EGLN1: variants seen among roughly 807,000 people sequenced by gnomAD.
EGLN1 encodes the protein egl nine homolog 1.
A neutral mutation model predicts 38.3 loss-of-function variants in EGLN1; 17 were observed. That is an observed-to-expected ratio of 0.44 (90% CI 0.30 to 0.67). The LOEUF is 0.67. EGLN1 is among the 30% of genes least tolerant of loss of function. The pLI, the probability that EGLN1 is intolerant of heterozygous loss-of-function variation, is 0.08. For missense variants in EGLN1, 477 were observed against 603.3 expected (o/e 0.79, Z 2.19); for synonymous variants, 283 against 257.5 (o/e 1.10, Z -0.95).
rs145322451 is a variant in EGLN1 at position 231,390,334 on chromosome 1, T to C, written c.892-16235A>G. 4.6e-5 allele frequency among the ~76,000 whole-genome samples: 7 copies of C among 152,198 alleles called. No individual in the cohort carries two copies. The East Asian group carries it at 1.2e-3, about 25-fold the overall frequency. On this transcript the variant is annotated intron_variant, in intron 1 of 4. Coordinates refer to ENST00000366641, the MANE Select transcript of EGLN1 (RefSeq NM_022051.3). ...AATCAAATAAGACAATACAGGAAAA[T>C]GTTCCATAAGTCTTAATTCCTTCCT...
chr1:231,421,743 T>C lies in EGLN1; in HGVS notation c.146A>G (p.Gln49Arg), dbSNP rs755147883. ...SFYCCKEHQR[Q>R]DWKKHKLVCQ... is the part of the protein sequence containing the mutation. ...CACGAGCTTGTGCTTCTTCCAGTCC[T>C]GACGCTGGTGCTCCTTGCAGCAGTA... is the stretch of plus-strand genomic sequence containing the variant. Residue 49 changes from glutamine (Q) to arginine (R), a missense_variant, in exon 1 of 5, where the codon CAG becomes CGG. By Grantham distance (43) the Gln-to-Arg change is conservative (BLOSUM62 1). This residue lies in a region of EGLN1 where 298 missense variants were observed against 288.9 expected (regional missense o/e 1.03). Coordinates refer to ENST00000366641, the MANE Select transcript of EGLN1 (RefSeq NM_022051.3). The surrounding 1 kb of genome is among the most constrained non-coding windows in gnomAD (Gnocchi z 5.5). 4 of 1,545,848 alleles carry C rather than the reference T, an allele frequency of 2.6e-6. No homozygotes were observed. The highest frequency in any genetic ancestry group is 1.2e-5 in the South Asian group (1 of 84,710).
At chr1:231,384,229 T>C (rs528674036) in intron 1 of EGLN1, among the ~76,000 whole-genome samples, 6 of 152,264 alleles carry the variant, frequency 3.9e-5, no homozygotes, top group African/African-American at 7.2e-5. Context: ...ACAAATATTT[T>C]CTGAGCACCT....
In EGLN1 at chr1:231,382,391, A is replaced by C. The variant is rs188726060; in HGVS notation, c.892-8292T>G. Among the ~76,000 whole-genome samples the C allele has an allele frequency of 5.1e-4, 78 of 152,358 alleles. 1 individual carries two copies. Among genetic ancestry groups the C allele is most frequent in the Admixed American group, 5.1e-3 (78 of 15,310 alleles). On this transcript the variant is annotated intron_variant, in intron 1 of 4. Transcript: ENST00000366641. ...CCAAGACTGGATATAAATAATCATC[A>C]GTAAATGAGGAAAGCTTGTAATCAA...
At chr1:231,399,787 T>C (rs1688620053) in intron 1 of EGLN1, among the ~76,000 whole-genome samples, 1 of 152,082 alleles carries the variant, frequency 6.6e-6, no homozygotes, top group African/African-American at 2.4e-5. Context: ...GCAACCCCCC[T>C]TTGCATCCTA....
At chr1:231,384,514 T>C (rs1377850928) in intron 1 of EGLN1, among the ~76,000 whole-genome samples, 1 of 151,992 alleles carries the variant, frequency 6.6e-6, no homozygotes, top group Non-Finnish European at 1.5e-5. Context: ...GAAATGAATG[T>C]TCCAGGCAGA....
intron 1 of EGLN1, among the ~76,000 whole-genome samples, chr1:231,375,151 G>C (rs939647896): frequency 1.3e-5 from 2 of 152,158 alleles, no homozygotes; most frequent in African/African-American, 4.8e-5. Flanking sequence ...CACCTTCCAG[G>C]TTCAAGCGAT....
rs989422154 is a variant in EGLN1 at position 231,387,066 on chromosome 1, C to G, written c.892-12967G>C. On this transcript the variant is annotated intron_variant, in intron 1 of 4. Coordinates refer to ENST00000366641, the MANE Select transcript of EGLN1 (RefSeq NM_022051.3). Reference sequence around the variant, plus strand: ...TACAGATGAGGTCTCGCTATGTTGCCCAGGGTGGTCTCAAACTCCTGGCCT... The same window carrying G: ...TACAGATGAGGTCTCGCTATGTTGCGCAGGGTGGTCTCAAACTCCTGGCCT... 2.6e-5 allele frequency among the ~76,000 whole-genome samples: 4 copies of G among 151,544 alleles called. No homozygotes were observed. In the South Asian group the frequency reaches 8.3e-4, roughly 32 times the overall value.
chr1:231,379,402 C>G (rs1426967052), intron 1 of EGLN1, among the ~76,000 whole-genome samples: 1 of 152,172 alleles, frequency 6.6e-6, no homozygotes, highest in African/African-American at 2.4e-5. Flanking sequence ...TATTTGTGGT[C>G]ATAAAACATT....
At position 231,421,098 on chromosome 1, in the gene EGLN1, G is replaced by T; in HGVS notation, c.791C>A (p.Pro264His). 6.2e-7 allele frequency: 1 copy of T among 1,614,194 alleles called. No individual in the cohort carries two copies. Among genetic ancestry groups the T allele is most frequent in the Non-Finnish European group, 8.5e-7 (1 of 1,180,032 alleles). Reference protein sequence around the residue: ...DKITWIEGKEPGCETIGLLMS... With the variant: ...DKITWIEGKEHGCETIGLLMS... ...GAGCAGCCCAATGGTTTCGCAGCCG[G>T]GCTCCTTGCCCTCGATCCAGGTGAT... The change falls in exon 1 of 5, where the codon CCC becomes CAC. Residue 264 changes from proline (P) to histidine (H), a missense_variant. Transcript: ENST00000366641. The surrounding 1 kb of genome is among the most constrained non-coding windows in gnomAD (Gnocchi z 5.5).
At chr1:231,408,795 T>C (rs529102100) in intron 1 of EGLN1, among the ~76,000 whole-genome samples, 2 of 152,102 alleles carry the variant, frequency 1.3e-5, no homozygotes, top group Admixed American at 6.5e-5. Flanking sequence ...CAGGACAAAG[T>C]TGTAGCTCTG....
intron 1 of EGLN1, among the ~76,000 whole-genome samples, chr1:231,386,117 G>T (rs981013984): frequency 6.7e-6 from 1 of 149,528 alleles, no homozygotes; most frequent in Non-Finnish European, 1.5e-5. Flanking sequence ...TGCCCGGCTG[G>T]TTTTTTTTTT....
intron 1 of EGLN1, among the ~76,000 whole-genome samples, chr1:231,391,937 A>C (rs981143011): frequency 2.0e-5 from 3 of 152,244 alleles, no homozygotes; most frequent in Non-Finnish European, 4.4e-5. Flanking sequence ...GTTTAAAAAA[A>C]CAAAAGAGTT....
At chr1:231,392,367 T>C (rs1315266469) in intron 1 of EGLN1, among the ~76,000 whole-genome samples, 3 of 152,164 alleles carry the variant, frequency 2.0e-5, no homozygotes, top group Non-Finnish European at 4.4e-5. Context: ...ATTTTAAAAA[T>C]TTTCCACTAT....
intron 1 of EGLN1, among the ~76,000 whole-genome samples, chr1:231,397,014 C>T (rs1688547166): frequency 6.6e-6 from 1 of 152,184 alleles, no homozygotes; most frequent in Non-Finnish European, 1.5e-5. Context: ...CTATCTCCCT[C>T]CCTCCAGAAT....
chr1:231,376,969 C>CT (rs1687976440), intron 1 of EGLN1, among the ~76,000 whole-genome samples: 1 of 152,172 alleles, frequency 6.6e-6, no homozygotes, highest in Non-Finnish European at 1.5e-5. Context: ...TAACCTAGAG[C>CT]TGCAGGGCTT....
At position 231,421,443 on chromosome 1, in the gene EGLN1, G is replaced by C; in HGVS notation, c.446C>G (p.Pro149Arg). The C allele has an allele frequency of 6.6e-7, 1 of 1,521,768 alleles. No individual in the cohort carries two copies. Among genetic ancestry groups the C allele is most frequent in the Non-Finnish European group, 8.8e-7 (1 of 1,132,540 alleles). 94.3% of individuals were successfully genotyped at this position (1,521,768 alleles called of 1,614,324 possible). ...AAEAEPGKEEPPARSSLFQEK... is the reference protein window; with the variant it reads ...AAEAEPGKEERPARSSLFQEK... ...CTGGAACAGCGATGAGCGGGCCGGC[G>C]GCTCCTCCTTGCCGGGCTCGGCTTC... The change falls in exon 1 of 5, where the codon CCG becomes CGG. Residue 149 changes from proline to arginine, a missense_variant. Physicochemically the swap from Pro to Arg is moderately radical, Grantham distance 103. Transcript: ENST00000366641. This position sits in a 1 kb window ranked among gnomAD's most constrained non-coding sequence, Gnocchi z 5.5.
intron 2 of EGLN1, among the ~76,000 whole-genome samples, chr1:231,373,369 T>TC (rs1328810316): frequency 1.3e-5 from 2 of 152,172 alleles, no homozygotes; most frequent in African/African-American, 4.8e-5. Flanking sequence ...AAACAACTGT[T>TC]CTCAGAAATG....
At chr1:231,414,468 C>A (rs1175405476) in intron 1 of EGLN1, among the ~76,000 whole-genome samples, 2 of 152,248 alleles carry the variant, frequency 1.3e-5, no homozygotes, top group Middle Eastern at 3.4e-3. Flanking sequence ...CTCAGAAACA[C>A]AGAGTGGGAA....
chr1:231,408,429 A>G (rs753028918), intron 1 of EGLN1, among the ~76,000 whole-genome samples: 2 of 152,170 alleles, frequency 1.3e-5, no homozygotes, highest in Non-Finnish European at 2.9e-5. Context: ...TTAAATGTGT[A>G]AGAATCAAAT....
Sources: allele counts gnomAD v4.1 joint callset (sites outside exome capture counted in the v4.1 genomes callset), GRCh38; gene constraint gnomAD v4.1.1; regional missense constraint gnomAD v4.1.1; non-coding constraint Gnocchi (gnomAD v3.1); transcripts MANE v1.5; gene names NCBI Gene and HGNC (gene_info 2026-07-23, HGNC 2026-07-21).